The following PARP8 variants were observed in gnomAD, a reference collection of about 807,000 sequenced individuals.
PARP8 encodes protein mono-ADP-ribosyltransferase PARP8.
A neutral mutation model predicts 124.1 loss-of-function variants in PARP8; 51 were observed. The observed-to-expected ratio is 0.41, with a 90% CI of 0.33 to 0.52. PARP8 has a LOEUF of 0.52. Among genes scored for constraint, PARP8 ranks in the 20% least tolerant of loss-of-function variants. PARP8 has a pLI of 0.21. For synonymous variants in PARP8, 391 were observed against 361.5 expected, an observed-to-expected ratio of 1.08 and a Z score of -0.93; for missense variants, 860 against 1,018.9, an observed-to-expected ratio of 0.84 and a Z score of 2.12.
chr5:50,790,582 A>T (rs1449291743), intron 10 of PARP8, among the ~76,000 whole-genome samples: 1 of 152,104 alleles, frequency 6.6e-6, no homozygotes, highest in African/African-American at 2.4e-5. Flanking sequence ...CATGGAGCTG[A>T]TCAAAATAAG....
intron 17 of PARP8, among the ~76,000 whole-genome samples, chr5:50,824,207 G>C (rs558839265): frequency 6.6e-6 from 1 of 152,182 alleles, no homozygotes; most frequent in Non-Finnish European, 1.5e-5. Context: ...TGGACTCTCA[G>C]ATATGAGCAT....
At chr5:50,748,061 C>T (rs1372247235) in intron 2 of PARP8, among the ~76,000 whole-genome samples, 2 of 151,930 alleles carry the variant, frequency 1.3e-5, no homozygotes, top group Non-Finnish European at 2.9e-5. Flanking sequence ...TAGATTCAGG[C>T]TCTATTTACT....
intron 21 of PARP8, among the ~76,000 whole-genome samples, chr5:50,829,174 G>A (rs528939100): frequency 3.3e-5 from 5 of 152,204 alleles, no homozygotes; most frequent in African/African-American, 1.2e-4. Flanking sequence ...GGATATCATG[G>A]CAGTCATCTT....
At chr5:50,668,337 CA>C in intron 2 of PARP8, 1 of 586,728 alleles carries the variant, frequency 1.7e-6, no homozygotes, top group Admixed American at 2.9e-5. Context: ...GACCACGCCA[CA>C]GGCAATGAGC....
intron 2 of PARP8, among the ~76,000 whole-genome samples, chr5:50,745,620 A>T (rs1487718784): frequency 6.6e-6 from 1 of 152,162 alleles, no homozygotes; most frequent in African/African-American, 2.4e-5. Flanking sequence ...GAGGTAGACA[A>T]AGGAATGAAT....
At chr5:50,821,466 A>G (rs1745761816) in intron 16 of PARP8, 128 bp downstream of exon 16, 1 of 1,012,072 alleles carries the variant, frequency 9.9e-7, no homozygotes, top group Non-Finnish European at 1.4e-6. Context: ...ATCCATGAGT[A>G]TTTAATTTCA....
intron 2 of PARP8, among the ~76,000 whole-genome samples, chr5:50,675,276 A>G (rs1253614347): frequency 1.3e-5 from 2 of 152,286 alleles, no homozygotes; most frequent in East Asian, 3.9e-4. Context: ...GAAGTGCTGT[A>G]GTTATTTGTG....
At chr5:50,787,064 C>T (rs1020172246) in intron 9 of PARP8, among the ~76,000 whole-genome samples, 4 of 152,130 alleles carry the variant, frequency 2.6e-5, no homozygotes, top group African/African-American at 9.7e-5. Context: ...AAATTTCATC[C>T]CTCTGGTTGC....
Position 50,828,302 on chromosome 5 carries a change from GTT to G in PARP8, c.2091-4_2091-3del. On this transcript the variant is annotated splice_region_variant and splice_polypyrimidine_tract_variant and intron_variant, in intron 20 of 25. Transcript: ENST00000281631. ...TGGTTTTGCTTTTTCCTTTCCGTCT[GTT>G]TTTTTAGTGGCTCACACATTGAAAA... 1 of 1,611,982 alleles carries G rather than the reference GTT, an allele frequency of 6.2e-7. No homozygotes were observed. The highest frequency in any genetic ancestry group is 8.5e-7 in the Non-Finnish European group (1 of 1,178,920).
At chr5:50,813,431 C>T (rs1396286422) in intron 14 of PARP8, among the ~76,000 whole-genome samples, 1 of 152,026 alleles carries the variant, frequency 6.6e-6, no homozygotes, top group Non-Finnish European at 1.5e-5. Flanking sequence ...GTGATTTTTG[C>T]ACATTGATTT....
In PARP8 at chr5:50,846,412, T is replaced by C. The variant is rs1353017321; in HGVS notation, c.*4344T>C. 2.6e-5 allele frequency: 4 copies of C among 151,842 alleles called. No individual in the cohort carries two copies. The highest frequency in any genetic ancestry group is 4.8e-5 in the African/African-American group (2 of 41,418). 9.4% of individuals were successfully genotyped at this position (151,842 alleles called of 1,614,324 possible). On this transcript the variant is annotated 3_prime_UTR_variant, in exon 26 of 26. Coordinates refer to ENST00000281631, the MANE Select transcript of PARP8 (RefSeq NM_024615.4). ...ATTTTCTCTATTCACTTTTTATTGC[T>C]CTTGCTTTCTATTGCTACTAAAGCC...
At chr5:50,772,625 G>T (rs1192901511) in intron 7 of PARP8, among the ~76,000 whole-genome samples, 3 of 152,116 alleles carry the variant, frequency 2.0e-5, no homozygotes, top group African/African-American at 7.2e-5. Flanking sequence ...ATTTTTTCAT[G>T]TACCTGTTGG....
At chr5:50,689,824 C>G (rs1377094480) in intron 2 of PARP8, among the ~76,000 whole-genome samples, 1 of 152,128 alleles carries the variant, frequency 6.6e-6, no homozygotes, top group Non-Finnish European at 1.5e-5. Flanking sequence ...AGGCATAGGT[C>G]CCACCATGCA....
intron 2 of PARP8, among the ~76,000 whole-genome samples, chr5:50,688,332 GCAACAC>G (rs140171584): frequency 0.015 from 2,243 of 152,260 alleles, 58 homozygotes; most frequent in African/African-American, 0.052. Flanking sequence ...CACAGCATCT[GCAACAC>G]AAGTCAGCTC....
intron 7 of PARP8, among the ~76,000 whole-genome samples, chr5:50,764,471 T>C (rs1275514540): frequency 2.0e-5 from 3 of 152,244 alleles, no homozygotes; most frequent in Admixed American, 2.0e-4. Context: ...ACAGCTGTAA[T>C]TTATAATTGC....
Position 50,821,196 on chromosome 5 carries a change from T to G in PARP8, c.1669-17T>G, listed in dbSNP as rs745710969. On this transcript the variant is annotated splice_polypyrimidine_tract_variant and intron_variant, in intron 15 of 25. Coordinates refer to ENST00000281631, the MANE Select transcript of PARP8 (RefSeq NM_024615.4). Reference sequence around the variant, plus strand: ...AAAACCTGAAGGGTAGTAACTATCTTATGTGTATATTTCAAGGTGGTAGAT... The same window carrying G: ...AAAACCTGAAGGGTAGTAACTATCTGATGTGTATATTTCAAGGTGGTAGAT... 2 of 1,613,790 alleles carry G rather than the reference T, an allele frequency of 1.2e-6. No individual in the cohort carries two copies. The highest frequency in any genetic ancestry group is 2.2e-5 in the South Asian group (2 of 91,066).
chr5:50,691,035 CTCA>C (rs1255486139), intron 2 of PARP8, among the ~76,000 whole-genome samples: 4 of 152,178 alleles, frequency 2.6e-5, no homozygotes, highest in African/African-American at 9.7e-5. Context: ...CTAACATGTC[CTCA>C]TCATCGTTTC....
chr5:50,741,858 C>T (rs752247429), intron 2 of PARP8: 59 of 440,002 alleles, frequency 1.3e-4, no homozygotes, highest in African/African-American at 9.3e-4. Flanking sequence ...TTGCCCAGGC[C>T]GGGTGCAATA....
chr5:50,743,508 A>C (rs1758256187), intron 2 of PARP8, among the ~76,000 whole-genome samples: 1 of 152,116 alleles, frequency 6.6e-6, no homozygotes, highest in Admixed American at 6.5e-5. Flanking sequence ...TTCACTCTGC[A>C]GCACTTGAAG....
Sources: allele counts gnomAD v4.1 joint callset (sites outside exome capture counted in the v4.1 genomes callset), GRCh38; gene constraint gnomAD v4.1.1; transcripts MANE v1.5; gene names NCBI Gene and HGNC (gene_info 2026-07-23, HGNC 2026-07-21).